Variants in ERICH3 observed in about 807,000 individuals in gnomAD.
ERICH3 encodes the protein glutamate-rich protein 3.
A neutral mutation model predicts 131.1 loss-of-function variants in ERICH3; 126 were observed. That is an observed-to-expected ratio of 0.96 (90% confidence interval 0.83 to 1.11). The LOEUF is 1.11. ERICH3 is among the 50% of genes most tolerant of loss of function. The pLI is 0.00. For synonymous variants in ERICH3, 695 were observed against 644.6 expected (o/e 1.08, Z -1.18); for missense variants, 2,050 against 1,810.7 (o/e 1.13, Z -2.40).
rs1339249464 is a variant in ERICH3 at position 74,612,570 on chromosome 1, A to G, written c.1187+53T>C. 2.1e-6 allele frequency: 3 copies of G among 1,441,912 alleles called. No homozygotes were observed. The East Asian group carries it at 7.0e-5, about 34-fold the overall frequency. The allele number at this position is 1,441,912 out of a possible 1,614,324, so 89.3% of individuals were successfully genotyped here. A position where few individuals can be genotyped will look rare whatever the true frequency, so the allele number is the denominator to read the frequency against. ...GAGAAATGCATTAGTAAAGGCATTC[A>G]AAGAAAAATGTAGCAAAACTTGCCC... On this transcript the variant is annotated intron_variant, in intron 9 of 14. Coordinates refer to ENST00000326665, the MANE Select transcript of ERICH3 (RefSeq NM_001002912.5).
intron 12 of ERICH3, among the ~76,000 whole-genome samples, chr1:74,581,107 T>C (rs1647169814): frequency 6.6e-6 from 1 of 152,242 alleles, no homozygotes; most frequent in South Asian, 2.1e-4. Context: ...TCCAAATTAA[T>C]GAATTTTTTT....
chr1:74,671,595 G>T (rs538375687), intron 1 of ERICH3, among the ~76,000 whole-genome samples: 1 of 152,030 alleles, frequency 6.6e-6, no homozygotes, highest in African/African-American at 2.4e-5. Context: ...TATTGGGGGC[G>T]GGTTCCCCCA....
chr1:74,663,833 TA>T (rs1368202754), intron 1 of ERICH3, among the ~76,000 whole-genome samples: 1 of 152,022 alleles, frequency 6.6e-6, no homozygotes, highest in Non-Finnish European at 1.5e-5. Context: ...TAATTTTTAT[TA>T]TTATTTAAGC....
At chr1:74,603,329 A>T (rs1648233118) in intron 10 of ERICH3, among the ~76,000 whole-genome samples, 1 of 151,840 alleles carries the variant, frequency 6.6e-6, no homozygotes, top group South Asian at 2.1e-4. Flanking sequence ...CTGGGTGCAA[A>T]TTCTTATTCT....
intron 7 of ERICH3, chr1:74,622,522 G>T (rs1177990005): frequency 6.6e-6 from 1 of 152,224 alleles, no homozygotes; most frequent in Non-Finnish European, 1.5e-5. Flanking sequence ...CCTGTGTGCA[G>T]CCCACTGCAC....
At position 74,634,619 on chromosome 1, in the gene ERICH3, C is replaced by A. The variant is rs1646370994; in HGVS notation, c.603+1661G>T. The A allele has an allele frequency of 5.6e-6, 4 of 708,324 alleles. No homozygotes were observed. In the East Asian group the frequency reaches 1.1e-4, roughly 19 times the overall value. 43.9% of individuals were successfully genotyped at this position (708,324 alleles called of 1,614,324 possible). ...ATGTCTAATGAAACAAAGTATTGAT[C>A]AAAGTAGCATTAATAATTATGGAAC... On this transcript the variant is annotated intron_variant, in intron 6 of 14. Transcript: ENST00000326665.
At chr1:74,658,760 C>T (rs1224981667) in intron 1 of ERICH3, among the ~76,000 whole-genome samples, 4 of 152,082 alleles carry the variant, frequency 2.6e-5, no homozygotes, top group Admixed American at 2.0e-4. Context: ...TCACTTACCC[C>T]CACCCTCTGA....
At chr1:74,584,275 T>G (rs1019131251) in intron 12 of ERICH3, among the ~76,000 whole-genome samples, 1 of 152,210 alleles carries the variant, frequency 6.6e-6, no homozygotes, top group Non-Finnish European at 1.5e-5. Flanking sequence ...CTCCATATAG[T>G]AGCCAGAATA....
chr1:74,628,127 G>A (rs1649477166), intron 7 of ERICH3, among the ~76,000 whole-genome samples: 1 of 152,184 alleles, frequency 6.6e-6, no homozygotes, highest in Admixed American at 6.5e-5. Flanking sequence ...CACTTAAAAT[G>A]CCATGTGACA....
chr1:74,661,082 T>C (rs922792654), intron 1 of ERICH3, among the ~76,000 whole-genome samples: 1 of 151,964 alleles, frequency 6.6e-6, no homozygotes, highest in Non-Finnish European at 1.5e-5. Context: ...ACTATGTGTG[T>C]TGAGAAGGAA....
chr1:74,630,016 G>C (rs1649539447), intron 7 of ERICH3, among the ~76,000 whole-genome samples: 1 of 152,214 alleles, frequency 6.6e-6, no homozygotes, highest in South Asian at 2.1e-4. Flanking sequence ...GGTTATTGTT[G>C]TTGAACTTGT....
chr1:74,659,324 A>ATG (rs34090049), intron 1 of ERICH3, among the ~76,000 whole-genome samples: 3,565 of 150,146 alleles, frequency 0.024, 49 homozygotes, highest in Middle Eastern at 0.045. Flanking sequence ...GCACAGGCGC[A>ATG]TGTGTGTGTG....
chr1:74,652,285 C>T (rs1028514307), intron 1 of ERICH3, among the ~76,000 whole-genome samples: 1 of 152,100 alleles, frequency 6.6e-6, no homozygotes, highest in African/African-American at 2.4e-5. Context: ...ATACATGTGA[C>T]CATCTTTCTG....
chr1:74,630,150 GC>G (rs957988582), intron 7 of ERICH3, among the ~76,000 whole-genome samples: 1 of 152,054 alleles, frequency 6.6e-6, no homozygotes, highest in Non-Finnish European at 1.5e-5. Context: ...ATCAAATCCT[GC>G]CCCCCAAGTG....
At chr1:74,629,928 T>C (rs1177824341) in intron 7 of ERICH3, among the ~76,000 whole-genome samples, 1 of 151,974 alleles carries the variant, frequency 6.6e-6, no homozygotes, top group African/African-American at 2.4e-5. Context: ...TAAAGAATGA[T>C]GGGGCAGGAA....
intron 6 of ERICH3, among the ~76,000 whole-genome samples, chr1:74,633,847 C>T (rs1041579487): frequency 4.6e-5 from 7 of 152,020 alleles, no homozygotes; most frequent in Non-Finnish European, 1.0e-4. Context: ...TTCACAAATA[C>T]TTGTACTAAT....
chr1:74,620,631 TA>T, intron 8 of ERICH3, 102 bp downstream of exon 8: 1 of 1,044,862 alleles, frequency 9.6e-7, no homozygotes, highest in South Asian at 2.0e-5. Flanking sequence ...TGGATATGCA[TA>T]ATTTCATAAA....
intron 11 of ERICH3, among the ~76,000 whole-genome samples, chr1:74,593,493 G>T (rs926919109): frequency 1.3e-5 from 2 of 152,042 alleles, no homozygotes; most frequent in Non-Finnish European, 1.5e-5. Flanking sequence ...CATAATTGTA[G>T]AAATTACATG....
chr1:74,621,037 AAAGT>A (rs1649198937), intron 7 of ERICH3, 123 bp from the exon 8 acceptor site: 2 of 763,716 alleles, frequency 2.6e-6, no homozygotes, highest in Non-Finnish European at 3.8e-6. Flanking sequence ...AAATCTAAAT[AAAGT>A]GTCAATTTAC....
Sources: gnomAD v4.1 joint callset for allele counts (sites outside exome capture counted in the v4.1 genomes callset) on GRCh38, gnomAD v4.1.1 for gene constraint, MANE v1.5 for transcripts, NCBI Gene and HGNC (gene_info 2026-07-23, HGNC 2026-07-21) for gene names.